Variants in ATP2C1 observed in about 807,000 individuals in gnomAD.
ATP2C1 encodes the protein calcium-transporting ATPase type 2C member 1.
ATP2C1 carries 31 observed loss-of-function variants against 120.5 expected under a neutral mutation model. That is an observed-to-expected ratio of 0.26 (90% CI 0.19 to 0.35). The LOEUF is 0.35. ATP2C1 is among the 10% of genes least tolerant of loss of function. ATP2C1 has a pLI of 1.00. For synonymous variants in ATP2C1, 351 were observed against 358.7 expected, an observed-to-expected ratio of 0.98 and a Z score of 0.24; for missense variants, 731 against 1,107.5, an observed-to-expected ratio of 0.66 and a Z score of 4.83.
At position 131,001,942 on chromosome 3, in the gene ATP2C1, T is replaced by G; in HGVS notation, c.*592T>G. The G allele has an allele frequency of 5.1e-6, 5 of 984,300 alleles. No individual in the cohort carries two copies. Among genetic ancestry groups the G allele is most frequent in the Non-Finnish European group, 6.0e-6 (5 of 828,514 alleles). 61.0% of individuals were successfully genotyped at this position (984,300 alleles called of 1,614,324 possible). ...CAGATCACTGTTCTTTTCTTTCTTT[T>G]TGTGATTGAAAAGCCTATACTACAA... On this transcript the variant is annotated 3_prime_UTR_variant, in exon 28 of 28. Transcript: ENST00000510168.
intron 20 of ATP2C1, among the ~76,000 whole-genome samples, chr3:130,986,932 GT>G (rs112145197): frequency 3.2e-4 from 1 of 3,104 alleles, no homozygotes; most frequent in Non-Finnish European, 2.4e-3. Flanking sequence ...AGTTAGTTTA[GT>G]TTAGTTTAGT....
intron 1 of ATP2C1, among the ~76,000 whole-genome samples, chr3:130,887,319 C>A (rs2069005770): frequency 6.6e-6 from 1 of 152,160 alleles, no homozygotes; most frequent in South Asian, 2.1e-4. Context: ...CTTTCTGTAA[C>A]CACTACCTGG....
intron 20 of ATP2C1, among the ~76,000 whole-genome samples, chr3:130,983,597 G>A (rs925318355): frequency 2.0e-5 from 3 of 152,152 alleles, no homozygotes; most frequent in Non-Finnish European, 2.9e-5. Flanking sequence ...ACGGAGTCTC[G>A]CTCCACCATT....
intron 1 of ATP2C1, among the ~76,000 whole-genome samples, chr3:130,876,312 G>A (rs1336328892): frequency 6.6e-6 from 1 of 152,056 alleles, no homozygotes; most frequent in Non-Finnish European, 1.5e-5. Context: ...TATGCTGAGA[G>A]TTAGGGGTCT....
At chr3:130,965,949 T>C (rs2061031029) in intron 14 of ATP2C1, among the ~76,000 whole-genome samples, 1 of 152,174 alleles carries the variant, frequency 6.6e-6, no homozygotes, top group African/African-American at 2.4e-5. Context: ...AATTATATAT[T>C]GATACATTGT....
chr3:130,961,851 G>A (rs2060835783), intron 12 of ATP2C1, among the ~76,000 whole-genome samples: 1 of 151,694 alleles, frequency 6.6e-6, no homozygotes, highest in Admixed American at 6.6e-5. Context: ...TAGAAGCACT[G>A]TAGGCCGTAA....
intron 20 of ATP2C1, among the ~76,000 whole-genome samples, chr3:130,986,449 C>A (rs1374919354): frequency 6.6e-6 from 1 of 152,134 alleles, no homozygotes; most frequent in Non-Finnish European, 1.5e-5. Flanking sequence ...ACTCTGGAAA[C>A]CAACCAAAGA....
chr3:130,906,522 G>A (rs796611644), intron 2 of ATP2C1, among the ~76,000 whole-genome samples: 3 of 152,098 alleles, frequency 2.0e-5, no homozygotes, highest in African/African-American at 7.2e-5. Context: ...TTTTTCAGGT[G>A]TATACTTAGG....
At chr3:130,955,193 T>A in intron 10 of ATP2C1, 113 bp downstream of exon 10, 1 of 769,712 alleles carries the variant, frequency 1.3e-6, no homozygotes, top group Middle Eastern at 3.6e-4. Context: ...TTATTCAGAA[T>A]GGAAATCAGT....
At chr3:130,850,635 C>G (rs2067648804) in exon 1 of ATP2C1, 1 of 420,602 alleles carries the variant, frequency 2.4e-6, no homozygotes, top group Non-Finnish European at 4.2e-6. Flanking sequence ...TCATACTTGG[C>G]TGTCTGGTTT....
At chr3:131,010,935 T>C (rs1317527430) in intron 26 of ATP2C1, among the ~76,000 whole-genome samples, 2 of 152,222 alleles carry the variant, frequency 1.3e-5, no homozygotes, top group Non-Finnish European at 2.9e-5. Context: ...CTATCACTTA[T>C]AACACACTTT....
intron 27 of ATP2C1, among the ~76,000 whole-genome samples, chr3:131,001,005 A>T (rs1423286157): frequency 6.8e-6 from 1 of 147,134 alleles, no homozygotes; most frequent in Non-Finnish European, 1.5e-5. Context: ...TGGGAGGCTG[A>T]GGCAGGCAAA....
chr3:130,864,976 C>A (rs2068121583), intron 1 of ATP2C1, among the ~76,000 whole-genome samples: 1 of 152,162 alleles, frequency 6.6e-6, no homozygotes, highest in Non-Finnish European at 1.5e-5. Flanking sequence ...GGCCACCATC[C>A]TCCAGACCCC....
chr3:130,868,438 C>G (rs1360105399), intron 1 of ATP2C1: 3 of 124,732 alleles, frequency 2.4e-5, no homozygotes, highest in African/African-American at 5.8e-5. Context: ...GTCAGCCCCC[C>G]GCCTGGCCAG....
intron 26 of ATP2C1, chr3:131,015,951 G>A: frequency 1.3e-6 from 1 of 758,960 alleles, no homozygotes; most frequent in Non-Finnish European, 2.2e-6. Context: ...TTGAGAATAT[G>A]GAAATAATTT....
At chr3:130,976,960 T>C (rs1212968845) in intron 18 of ATP2C1, among the ~76,000 whole-genome samples, 1 of 152,182 alleles carries the variant, frequency 6.6e-6, no homozygotes, top group African/African-American at 2.4e-5. Flanking sequence ...CAGACCAAAC[T>C]GTTTGGAAGC....
At chr3:130,971,391 A>G (rs567667925) in intron 17 of ATP2C1, among the ~76,000 whole-genome samples, 60 of 152,302 alleles carry the variant, frequency 3.9e-4, no homozygotes, top group Non-Finnish European at 7.2e-4. Context: ...AAAACCAACC[A>G]GTGAAATGAA....
chr3:130,902,015 A>AT (rs1473922385), intron 2 of ATP2C1, among the ~76,000 whole-genome samples: 1 of 151,982 alleles, frequency 6.6e-6, no homozygotes, highest in African/African-American at 2.4e-5. Context: ...CACCCTCAAA[A>AT]TTTTTTAGCC....
chr3:130,908,190 C>G (rs1054968238), intron 2 of ATP2C1, among the ~76,000 whole-genome samples: 1 of 152,036 alleles, frequency 6.6e-6, no homozygotes, highest in Non-Finnish European at 1.5e-5. Context: ...AAAATATGAA[C>G]AACCAAAGTT....
Sources: gnomAD v4.1 joint callset for allele counts (sites outside exome capture counted in the v4.1 genomes callset) on GRCh38, gnomAD v4.1.1 for gene constraint, MANE v1.5 for transcripts, NCBI Gene and HGNC (gene_info 2026-07-23, HGNC 2026-07-21) for gene names.